MAPK4: variants seen among roughly 807,000 people sequenced by gnomAD.
MAPK4 encodes Erk3-related.
MAPK4 carries 22 observed loss-of-function variants against 47.7 expected under a neutral mutation model. The observed-to-expected ratio is 0.46, with a 90% CI of 0.33 to 0.66. The LOEUF is 0.66. Ranked by LOEUF, MAPK4 falls within the 30% of genes least tolerant of loss-of-function variation. MAPK4 has a pLI of 0.02. For missense variants in MAPK4, 736 were observed against 831.7 expected, an observed-to-expected ratio of 0.88 and a Z score of 1.42; for synonymous variants, 390 against 365.7, an observed-to-expected ratio of 1.07 and a Z score of -0.76.
chr18:50,666,276 G>A (rs118128982), intron 2 of MAPK4, among the ~76,000 whole-genome samples: 2,388 of 152,268 alleles, frequency 0.016, 31 homozygotes, highest in Middle Eastern at 0.037. Flanking sequence ...GGAGTCAGAG[G>A]TCTGGGTTCC....
At chr18:50,655,878 A>G (rs1255278250) in intron 1 of MAPK4, among the ~76,000 whole-genome samples, 2 of 152,196 alleles carry the variant, frequency 1.3e-5, no homozygotes, top group African/African-American at 4.8e-5. Flanking sequence ...GTACTGTGTC[A>G]TAACCAAAAT....
chr18:50,618,450 C>T (rs749098380), intron 1 of MAPK4, among the ~76,000 whole-genome samples: 1 of 152,136 alleles, frequency 6.6e-6, no homozygotes, highest in Non-Finnish European at 1.5e-5. Context: ...TTCTATGTCT[C>T]TTCATACATT....
upstream of MAPK4, among the ~76,000 whole-genome samples, chr18:50,559,866 G>C (rs8083350): frequency 0.26 from 38,918 of 151,124 alleles, 5,006 homozygotes; most frequent in South Asian, 0.32. Context: ...CCGCGGGACT[G>C]GGTCCGGGAA....
rs558791425 is a variant in MAPK4 at position 50,668,996 on chromosome 18, A to T, written c.546+4492A>T. On this transcript the variant is annotated intron_variant, in intron 2 of 5. Transcript: ENST00000400384. ...TGGCTGTCAAAGTGCATTCAGATGTACGCAGGGCTAAATCACTAACCAAAC... is the reference window on the plus strand; with the variant it reads ...TGGCTGTCAAAGTGCATTCAGATGTTCGCAGGGCTAAATCACTAACCAAAC... 6.0e-4 allele frequency among the ~76,000 whole-genome samples: 91 copies of T among 152,364 alleles called. 1 individual carries two copies. In the South Asian group the frequency reaches 0.018, roughly 30 times the overall value.
chr18:50,568,349 T>G (rs183732519), intron 1 of MAPK4, among the ~76,000 whole-genome samples: 1 of 152,326 alleles, frequency 6.6e-6, no homozygotes, highest in Admixed American at 6.5e-5. Context: ...GATGGAGAGA[T>G]AGAGTGCTTT....
chr18:50,727,607 G>T (rs1291128252), intron 5 of MAPK4, among the ~76,000 whole-genome samples: 2 of 152,052 alleles, frequency 1.3e-5, no homozygotes, highest in Non-Finnish European at 2.9e-5. Context: ...AAAGAACATT[G>T]GCTCAGGGAG....
intron 1 of MAPK4, among the ~76,000 whole-genome samples, chr18:50,589,551 G>A (rs1286443177): frequency 1.3e-5 from 2 of 148,700 alleles, no homozygotes; most frequent in African/African-American, 2.5e-5. Context: ...AGCCGAGATC[G>A]CGCCACTGCA....
intron 1 of MAPK4, among the ~76,000 whole-genome samples, chr18:50,647,580 G>T (rs939310804): frequency 6.6e-6 from 1 of 152,172 alleles, no homozygotes; most frequent in Non-Finnish European, 1.5e-5. Context: ...AGCATGTGCT[G>T]TTACCAGAAT....
At chr18:50,590,088 A>G (rs539253630) in intron 1 of MAPK4, among the ~76,000 whole-genome samples, 12 of 152,228 alleles carry the variant, frequency 7.9e-5, no homozygotes, top group Non-Finnish European at 1.5e-4. Flanking sequence ...ATCCAGATCC[A>G]GTTCCTCTAT....
chr18:50,665,089 C>G (rs776352294), intron 2 of MAPK4, among the ~76,000 whole-genome samples: 1 of 152,226 alleles, frequency 6.6e-6, no homozygotes, highest in Non-Finnish European at 1.5e-5. Context: ...GCTCTTGCTT[C>G]TCAGTGTGAT....
chr18:50,699,562 T>C (rs1481638679), intron 2 of MAPK4, among the ~76,000 whole-genome samples: 1 of 152,220 alleles, frequency 6.6e-6, no homozygotes, highest in Non-Finnish European at 1.5e-5. Flanking sequence ...ACATAAATAG[T>C]ATACCATTTA....
At chr18:50,696,090 C>A in intron 2 of MAPK4, among the ~76,000 whole-genome samples, 1 of 146,962 alleles carries the variant, frequency 6.8e-6, no homozygotes, top group African/African-American at 2.6e-5. Flanking sequence ...AGCCAGGCTC[C>A]CCTGATTAAA....
chr18:50,729,497 G>GC lies in MAPK4; in HGVS notation c.1413dup (p.Thr472HisfsTer89). On this transcript the variant is annotated frameshift_variant, in exon 6 of 6. Coordinates refer to ENST00000400384, the MANE Select transcript of MAPK4 (RefSeq NM_002747.4). LOFTEE classifies it high-confidence loss of function. ...CGCACTGGAAGCAGGCGGCCGGCGC[G>GC]CCCCCCACGGCCACGGGGCTGGCGG... 6.9e-7 allele frequency: 1 copy of GC among 1,455,100 alleles called. No individual in the cohort carries two copies. The allele number at this position is 1,455,100 out of a possible 1,614,324, so 90.1% of individuals were successfully genotyped here. A position where few individuals can be genotyped will look rare whatever the true frequency, so the allele number is the denominator to read the frequency against.
chr18:50,676,548 T>A (rs1598899171), intron 2 of MAPK4, among the ~76,000 whole-genome samples: 2 of 152,346 alleles, frequency 1.3e-5, no homozygotes, highest in Admixed American at 1.3e-4. Flanking sequence ...AATTTGAAAC[T>A]CATCCTAAAG....
At chr18:50,683,629 C>A (rs573077975) in intron 2 of MAPK4, among the ~76,000 whole-genome samples, 42 of 152,222 alleles carry the variant, frequency 2.8e-4, no homozygotes, top group African/African-American at 7.7e-4. Flanking sequence ...GTTGGAGATA[C>A]AAGGCTGAAA....
At position 50,704,872 on chromosome 18, in the gene MAPK4, A is replaced by T. The variant is rs183544570; in HGVS notation, c.547-10207A>T. ...ACAGAGGGTGAGGAGCACCCCAAGC[A>T]CATGGTCAGCACCTGGCAGGTGGCT... On this transcript the variant is annotated intron_variant, in intron 2 of 5. Coordinates refer to ENST00000400384, the MANE Select transcript of MAPK4 (RefSeq NM_002747.4). 1,170 of 398,084 alleles carry T rather than the reference A, an allele frequency of 2.9e-3. 17 individuals are homozygous for T. Among genetic ancestry groups the T allele is most frequent in the African/African-American group, 0.022 (1,074 of 48,748 alleles). 24.7% of individuals were successfully genotyped at this position (398,084 alleles called of 1,614,324 possible).
intron 1 of MAPK4, among the ~76,000 whole-genome samples, chr18:50,613,879 C>T (rs1303259551): frequency 1.3e-5 from 2 of 152,016 alleles, no homozygotes; most frequent in African/African-American, 4.8e-5. Context: ...TAAGAGAGAC[C>T]CTAAATCAGC....
At chr18:50,600,025 G>T (rs1489920831) in intron 1 of MAPK4, among the ~76,000 whole-genome samples, 1 of 152,156 alleles carries the variant, frequency 6.6e-6, no homozygotes, top group Non-Finnish European at 1.5e-5. Flanking sequence ...TTATGACTTG[G>T]TTTCTAGTAG....
intron 1 of MAPK4, among the ~76,000 whole-genome samples, chr18:50,607,149 T>C (rs1328020420): frequency 1.3e-5 from 2 of 152,188 alleles, no homozygotes; most frequent in Non-Finnish European, 2.9e-5. Flanking sequence ...AGCTGACATT[T>C]AATAAACACT....
Sources: gnomAD v4.1 joint callset for allele counts (sites outside exome capture counted in the v4.1 genomes callset) on GRCh38, gnomAD v4.1.1 for gene constraint, MANE v1.5 for transcripts, NCBI Gene and HGNC (gene_info 2026-07-23, HGNC 2026-07-21) for gene names.